Variants in MYOF observed in about 807,000 individuals in gnomAD.
MYOF encodes the protein myoferlin.
In MYOF, 244 loss-of-function variants were observed where a neutral mutation model predicts 284.2. The observed-to-expected ratio is 0.86, with a 90% CI of 0.77 to 0.95. The LOEUF (loss-of-function observed/expected upper bound fraction) is 0.95. Ranked by LOEUF, MYOF falls within the 40% of genes least tolerant of loss-of-function variation. The pLI is 0.00. For synonymous variants in MYOF, 904 were observed against 919.7 expected (o/e 0.98, Z 0.31); for missense variants, 2,496 against 2,560.6 (o/e 0.97, Z 0.54).
At chr10:93,427,350 G>T (rs1848640792) in intron 4 of MYOF, among the ~76,000 whole-genome samples, 1 of 151,662 alleles carries the variant, frequency 6.6e-6, no homozygotes, top group Non-Finnish European at 1.5e-5. Flanking sequence ...GGCCAACACA[G>T]TAAAACCCCA....
intron 7 of MYOF, among the ~76,000 whole-genome samples, chr10:93,408,314 G>C (rs1225158107): frequency 6.6e-6 from 1 of 152,024 alleles, no homozygotes; most frequent in Non-Finnish European, 1.5e-5. Context: ...CTTTGTTGGC[G>C]GGTGGATCAC....
chr10:93,397,758 G>A (rs540337127), intron 13 of MYOF, among the ~76,000 whole-genome samples: 13 of 151,822 alleles, frequency 8.6e-5, no homozygotes, highest in South Asian at 6.3e-4. Flanking sequence ...GTTACATACC[G>A]TTTGGGAAGC....
rs1334787558 is a variant in MYOF at position 93,408,866 on chromosome 10, C to T, written c.650G>A (p.Arg217Lys). 3 of 1,614,068 alleles carry T rather than the reference C, an allele frequency of 1.9e-6. No individual in the cohort carries two copies. The highest frequency in any genetic ancestry group is 1.7e-6 in the Non-Finnish European group (2 of 1,180,034). The part of the protein sequence containing the change: ...EGRQLSGNNI[R>K]PVVKVHVCGQ... ...ACAGACGTGAACTTTGACCACAGGC[C>T]TTATGTTGTTACCACTTAACTGTCG... The change falls in exon 7 of 54, where the codon AGG becomes AAG. Residue 217 changes from arginine (R) to lysine (K), a missense_variant. Arg to Lys is a conservative substitution (Grantham distance 26). Transcript: ENST00000359263.
At chr10:93,373,893 G>A (rs1412909532) in intron 23 of MYOF, among the ~76,000 whole-genome samples, 1 of 152,032 alleles carries the variant, frequency 6.6e-6, no homozygotes, top group East Asian at 1.9e-4. Flanking sequence ...TAAGTTCTAG[G>A]GTACATGTGC....
intron 19 of MYOF, among the ~76,000 whole-genome samples, chr10:93,385,621 T>C (rs1378341973): frequency 6.6e-6 from 1 of 152,220 alleles, no homozygotes; most frequent in African/African-American, 2.4e-5. Context: ...AGTGTGGCTA[T>C]GTCTTCAGAA....
chr10:93,408,651 T>G, intron 7 of MYOF, 136 bp downstream of exon 7: 1 of 1,198,966 alleles, frequency 8.3e-7, no homozygotes, highest in Admixed American at 2.4e-5. Flanking sequence ...CTGCCATGCG[T>G]TCACATGGTC....
chr10:93,431,759 T>C (rs1183868584), intron 3 of MYOF, among the ~76,000 whole-genome samples: 3 of 150,770 alleles, frequency 2.0e-5, no homozygotes, highest in Non-Finnish European at 3.0e-5. Flanking sequence ...TTTTTTTTTT[T>C]TTTTGAGACA....
chr10:93,362,017 C>A (rs369666040), intron 27 of MYOF, among the ~76,000 whole-genome samples: 1 of 152,036 alleles, frequency 6.6e-6, no homozygotes, highest in East Asian at 1.9e-4. Flanking sequence ...GGCGTAATCT[C>A]GGCTCACTGC....
intron 3 of MYOF, among the ~76,000 whole-genome samples, chr10:93,447,803 C>A (rs1246791360): frequency 3.3e-5 from 5 of 152,092 alleles, no homozygotes; most frequent in Admixed American, 2.6e-4. Context: ...GGGGGGCTGA[C>A]CTCTCCCCAT....
intron 2 of MYOF, among the ~76,000 whole-genome samples, chr10:93,456,584 T>C (rs984171738): frequency 3.3e-5 from 5 of 152,160 alleles, no homozygotes; most frequent in Non-Finnish European, 5.9e-5. Flanking sequence ...GCCCCAGATA[T>C]GCAACATAAG....
intron 50 of MYOF, among the ~76,000 whole-genome samples, chr10:93,315,668 A>G (rs1197718592): frequency 6.6e-6 from 1 of 152,118 alleles, no homozygotes; most frequent in African/African-American, 2.4e-5. Flanking sequence ...TGCAGGCACT[A>G]TGAGAGCGCA....
At chr10:93,451,529 C>T (rs1379921364) in intron 3 of MYOF, among the ~76,000 whole-genome samples, 1 of 152,046 alleles carries the variant, frequency 6.6e-6, no homozygotes. Flanking sequence ...CCACGGGCAC[C>T]ACCGTGACCC....
Position 93,363,968 on chromosome 10 carries a change from G to A in MYOF, c.2861C>T (p.Thr954Met), listed in dbSNP as rs555130930. 10 of 1,614,110 alleles carry A rather than the reference G, an allele frequency of 6.2e-6. 1 individual carries two copies. In the South Asian group the frequency reaches 9.9e-5, roughly 16 times the overall value. The change falls in exon 27 of 54, where the codon ACG becomes ATG. Residue 954 changes from threonine to methionine, a missense_variant. Thr to Met is a moderately conservative substitution (Grantham distance 81, BLOSUM62 -1). Transcript: ENST00000359263. ...GDWKPAEDTY[T>M]DANGDKAASP... ...CCGGAGCAGGCCACTCACCGCATCC[G>A]TGTAGGTGTCCTCGGCCGGCTTCCA...
chr10:93,405,617 A>G (rs887504477), intron 7 of MYOF, among the ~76,000 whole-genome samples: 1 of 152,024 alleles, frequency 6.6e-6, no homozygotes, highest in Non-Finnish European at 1.5e-5. Context: ...CCCACAGTCT[A>G]GATTTGTGTG....
chr10:93,335,259 C>T (rs536314035), intron 41 of MYOF, among the ~76,000 whole-genome samples: 7 of 151,902 alleles, frequency 4.6e-5, no homozygotes, highest in South Asian at 4.2e-4. Context: ...AAGGTGTGTC[C>T]GGGGCTTGGG....
At chr10:93,361,596 C>T in intron 27 of MYOF, 39 bp from the exon 28 acceptor site, 8 of 1,605,752 alleles carry the variant, frequency 5.0e-6, no homozygotes, top group Non-Finnish European at 6.8e-6. Context: ...GAGAGGTAAG[C>T]CATAGTGTCA....
At chr10:93,333,941 AG>A (rs748683771) in intron 41 of MYOF, 28 bp from the exon 42 acceptor site, 9 of 1,606,836 alleles carry the variant, frequency 5.6e-6, no homozygotes, top group Non-Finnish European at 7.7e-6. Context: ...AAGGACTCAC[AG>A]GGCCCTGGGT....
intron 18 of MYOF, among the ~76,000 whole-genome samples, chr10:93,388,279 A>G (rs1316677338): frequency 6.6e-6 from 1 of 152,170 alleles, no homozygotes; most frequent in East Asian, 1.9e-4. Flanking sequence ...TCAGCAGGGA[A>G]GCTCTGCATT....
rs188516539 is a variant in MYOF, at chr10:93,342,289, T to C, written c.4326+1567A>G. ...ATTACATGTACATTACATATACATG[T>C]AATACAGGACATCAGCAAGCTTGTT... On this transcript the variant is annotated intron_variant, in intron 38 of 53. Transcript: ENST00000359263. Among the ~76,000 whole-genome samples the C allele has an allele frequency of 2.0e-5, 3 of 152,300 alleles. No individual in the cohort carries two copies. The East Asian group carries it at 5.8e-4, about 29-fold the overall frequency.
Sources: allele counts gnomAD v4.1 joint callset (sites outside exome capture counted in the v4.1 genomes callset), GRCh38; gene constraint gnomAD v4.1.1; transcripts MANE v1.5; gene names NCBI Gene and HGNC (gene_info 2026-07-23, HGNC 2026-07-21).